The following SPAG16 variants were observed in gnomAD, a reference collection of about 807,000 sequenced individuals.
SPAG16 encodes sperm associated antigen 16.
In SPAG16, 86 loss-of-function variants were observed where a neutral mutation model predicts 80.4. The observed-to-expected ratio is 1.07, with a 90% confidence interval of 0.90 to 1.28. The LOEUF (loss-of-function observed/expected upper bound fraction) is 1.28, where lower values mean the gene tolerates loss of function less well. SPAG16 is among the 50% of genes most tolerant of loss of function. The probability of loss-of-function intolerance (pLI) is 0.00; values close to 1 mark genes in which losing one functional copy is unlikely to be tolerated. For missense variants in SPAG16, 870 were observed against 765.3 expected (o/e 1.14, Z -1.61); for synonymous variants, 294 against 265.9 (o/e 1.11, Z -1.03).
intron 10 of SPAG16, among the ~76,000 whole-genome samples, chr2:213,656,852 A>G (rs981120855): frequency 3.3e-5 from 5 of 152,212 alleles, no homozygotes; most frequent in Non-Finnish European, 7.3e-5. Context: ...AGAACTTTGA[A>G]TAGTTCATGG....
At chr2:213,635,758 G>A (rs1423047131) in intron 10 of SPAG16, among the ~76,000 whole-genome samples, 1 of 151,966 alleles carries the variant, frequency 6.6e-6, no homozygotes, top group Non-Finnish European at 1.5e-5. Context: ...ATCTTCTTTT[G>A]AGAATTTTAT....
chr2:214,294,382 G>T (rs1429024406), intron 15 of SPAG16, among the ~76,000 whole-genome samples: 2 of 152,060 alleles, frequency 1.3e-5, no homozygotes, highest in South Asian at 4.1e-4. Context: ...TGACTTTGTT[G>T]CTTCCAATAA....
chr2:213,330,383 G>A (rs763657794), intron 5 of SPAG16, among the ~76,000 whole-genome samples: 53 of 152,338 alleles, frequency 3.5e-4, no homozygotes, highest in Non-Finnish European at 5.7e-4. Flanking sequence ...TTGTATCAGC[G>A]TGACCTGGAT....
At chr2:213,488,068 T>G (rs2074065555) in intron 9 of SPAG16, among the ~76,000 whole-genome samples, 1 of 152,142 alleles carries the variant, frequency 6.6e-6, no homozygotes. Flanking sequence ...TTATTTATAT[T>G]GACCTAGGTG....
At chr2:214,247,816 G>T (rs1200255316) in intron 15 of SPAG16, among the ~76,000 whole-genome samples, 2 of 152,130 alleles carry the variant, frequency 1.3e-5, no homozygotes, top group African/African-American at 4.8e-5. Flanking sequence ...AGGATTGCTT[G>T]AGGTCAGAAG....
At chr2:214,111,718 G>C (rs897855758) in intron 14 of SPAG16, among the ~76,000 whole-genome samples, 2 of 122,280 alleles carry the variant, frequency 1.6e-5, no homozygotes, top group Non-Finnish European at 3.4e-5. Flanking sequence ...ATTACCTTGG[G>C]CAGTATGGTC....
intron 9 of SPAG16, among the ~76,000 whole-genome samples, chr2:213,386,805 A>T (rs1051874205): frequency 2.0e-5 from 3 of 152,208 alleles, no homozygotes; most frequent in Admixed American, 6.5e-5. Flanking sequence ...CAATCAGTGG[A>T]TTACTAAAAT....
chr2:214,056,763 C>G (rs910038310), intron 13 of SPAG16, among the ~76,000 whole-genome samples: 1 of 152,184 alleles, frequency 6.6e-6, no homozygotes, highest in African/African-American at 2.4e-5. Context: ...ATTTTACCCA[C>G]AGTAGAAATT....
intron 10 of SPAG16, among the ~76,000 whole-genome samples, chr2:213,588,431 A>T (rs1299643464): frequency 1.3e-5 from 2 of 151,808 alleles, no homozygotes. Context: ...GGAAAACACT[A>T]ACCACCTCAT....
intron 15 of SPAG16, among the ~76,000 whole-genome samples, chr2:214,227,738 GTA>G (rs1688376218): frequency 7.0e-6 from 1 of 142,910 alleles, no homozygotes; most frequent in Admixed American, 7.1e-5. Flanking sequence ...GTGTGTGTGT[GTA>G]AATGTGTATA....
At chr2:213,980,725 T>TATATATATAGAGAGAGAGAGAGAG (rs374274176) in intron 12 of SPAG16, among the ~76,000 whole-genome samples, 9 of 103,988 alleles carry the variant, frequency 8.7e-5, no homozygotes, top group Non-Finnish European at 1.4e-4. Flanking sequence ...TATATATATA[T>TATATATATAGAGAGAGAGAGAGAG]AGAGAGAGAG....
chr2:214,187,101 CA>C (rs1157214542), intron 15 of SPAG16, among the ~76,000 whole-genome samples: 2 of 152,070 alleles, frequency 1.3e-5, no homozygotes, highest in East Asian at 3.9e-4. Context: ...TAGAAGCTTT[CA>C]AAGTTTACAC....
chr2:213,646,380 G>A (rs573905532), intron 10 of SPAG16, among the ~76,000 whole-genome samples: 12 of 152,080 alleles, frequency 7.9e-5, no homozygotes, highest in Non-Finnish European at 1.6e-4. Context: ...AATGAAGAAA[G>A]TATTATCAAC....
At chr2:213,891,616 G>A (rs2076787988) in intron 11 of SPAG16, among the ~76,000 whole-genome samples, 1 of 152,108 alleles carries the variant, frequency 6.6e-6, no homozygotes, top group Non-Finnish European at 1.5e-5. Context: ...AAATTGTGAT[G>A]TAGATGGAAC....
chr2:214,179,412 C>A (rs2057237826), intron 15 of SPAG16, among the ~76,000 whole-genome samples: 1 of 151,400 alleles, frequency 6.6e-6, no homozygotes, highest in African/African-American at 2.4e-5. Flanking sequence ...AAACCAGTTA[C>A]CTGTAGTCTT....
chr2:213,298,357 G>A (rs2062593932), intron 3 of SPAG16, among the ~76,000 whole-genome samples: 1 of 152,148 alleles, frequency 6.6e-6, no homozygotes, highest in African/African-American at 2.4e-5. Context: ...ATAATTTGTA[G>A]GAATAGTTTT....
chr2:213,886,876 G>A (rs1206713776), intron 11 of SPAG16, among the ~76,000 whole-genome samples: 1 of 151,970 alleles, frequency 6.6e-6, no homozygotes, highest in East Asian at 1.9e-4. Context: ...ACACTATGCT[G>A]GTATATATCA....
At chr2:213,873,747 G>T (rs757010412) in intron 11 of SPAG16, among the ~76,000 whole-genome samples, 2 of 151,714 alleles carry the variant, frequency 1.3e-5, no homozygotes, top group Non-Finnish European at 1.5e-5. Context: ...TGGCCGATTG[G>T]CTATTTTAAA....
intron 15 of SPAG16, among the ~76,000 whole-genome samples, chr2:214,225,990 T>C (rs1379471145): frequency 6.6e-6 from 1 of 152,160 alleles, no homozygotes; most frequent in Non-Finnish European, 1.5e-5. Flanking sequence ...GGAGTCTGAC[T>C]ACTTCCGGTA....
Sources: gnomAD v4.1 joint callset for allele counts (sites outside exome capture counted in the v4.1 genomes callset) on GRCh38, gnomAD v4.1.1 for gene constraint, MANE v1.5 for transcripts, NCBI Gene and HGNC (gene_info 2026-07-23, HGNC 2026-07-21) for gene names.